The following TMEM178B variants were observed in gnomAD, a reference collection of about 807,000 sequenced individuals.
TMEM178B encodes transmembrane protein 178B.
TMEM178B carries 5 observed loss-of-function variants against 31.0 expected under a neutral mutation model. The ratio of observed to expected loss-of-function variants is 0.16; its 90% CI spans 0.08 to 0.34. TMEM178B has a LOEUF of 0.34. Ranked by LOEUF, TMEM178B falls within the 10% of genes least tolerant of loss-of-function variation. The probability of loss-of-function intolerance (pLI) is 1.00; values close to 1 mark genes in which losing one functional copy is unlikely to be tolerated. For synonymous variants in TMEM178B, 164 were observed against 164.0 expected, an observed-to-expected ratio of 1.00 and a Z score of 0.00; for missense variants, 275 against 400.3, an observed-to-expected ratio of 0.69 and a Z score of 2.67.
intron 1 of TMEM178B, among the ~76,000 whole-genome samples, chr7:141,106,796 C>T (rs1795154490): frequency 6.6e-6 from 1 of 152,188 alleles, no homozygotes; most frequent in African/African-American, 2.4e-5. Flanking sequence ...TTACTGTATT[C>T]ACTTAACACA....
intron 2 of TMEM178B, among the ~76,000 whole-genome samples, chr7:141,213,268 A>C (rs1417758766): frequency 1.3e-5 from 2 of 152,202 alleles, no homozygotes; most frequent in African/African-American, 4.8e-5. Context: ...AAAGATCAGA[A>C]TATCTGTGTG....
chr7:141,297,454 C>T (rs1051266589), intron 2 of TMEM178B, among the ~76,000 whole-genome samples: 2 of 152,126 alleles, frequency 1.3e-5, no homozygotes, highest in African/African-American at 4.8e-5. Flanking sequence ...TGTGCTGCAC[C>T]CATTAACTCG....
At chr7:141,482,450 G>A (rs966778226), downstream of TMEM178B, among the ~76,000 whole-genome samples, 2 of 152,190 alleles carry the variant, frequency 1.3e-5, no homozygotes, top group Non-Finnish European at 2.9e-5. Context: ...GAAGCACAGG[G>A]ATTCTGACTT....
At chr7:141,363,280 G>C (rs1586913655) in intron 2 of TMEM178B, among the ~76,000 whole-genome samples, 1 of 152,296 alleles carries the variant, frequency 6.6e-6, no homozygotes, top group Non-Finnish European at 1.5e-5. Context: ...TCTTGCTGTT[G>C]AGAGCCAAAA....
At chr7:141,429,308 T>TACACACAC (rs3039921) in intron 2 of TMEM178B, among the ~76,000 whole-genome samples, 4,575 of 149,666 alleles carry the variant, frequency 0.031, 108 homozygotes, top group Middle Eastern at 0.072. Context: ...GAAAATGTAA[T>TACACACAC]ACACACACAC....
At chr7:141,408,975 G>C (rs898358507) in intron 2 of TMEM178B, among the ~76,000 whole-genome samples, 3 of 152,204 alleles carry the variant, frequency 2.0e-5, no homozygotes, top group Non-Finnish European at 2.9e-5. Context: ...GCAAGAGACA[G>C]GGAGGCAGGA....
chr7:141,301,762 A>C (rs1386655125), intron 2 of TMEM178B, among the ~76,000 whole-genome samples: 1 of 152,208 alleles, frequency 6.6e-6, no homozygotes, highest in Non-Finnish European at 1.5e-5. Flanking sequence ...CTCCAAATCC[A>C]GCAGCCACCA....
chr7:141,392,990 C>T (rs1372859956), intron 2 of TMEM178B, among the ~76,000 whole-genome samples: 1 of 152,042 alleles, frequency 6.6e-6, no homozygotes, highest in African/African-American at 2.4e-5. Context: ...CTGCATTCAC[C>T]ATCTCCAAGC....
intron 2 of TMEM178B, among the ~76,000 whole-genome samples, chr7:141,350,039 C>T (rs1048946237): frequency 4.6e-5 from 7 of 152,150 alleles, no homozygotes; most frequent in Admixed American, 1.3e-4. Context: ...ATCCATCCAT[C>T]TATCCATCCA....
intron 1 of TMEM178B, among the ~76,000 whole-genome samples, chr7:141,212,234 C>A (rs761124003): frequency 9.9e-5 from 15 of 152,122 alleles, no homozygotes; most frequent in Non-Finnish European, 4.4e-5. Context: ...CTTAACAAAT[C>A]CTGCTGTCTG....
At chr7:141,392,728 G>C (rs1308111910) in intron 2 of TMEM178B, among the ~76,000 whole-genome samples, 1 of 151,880 alleles carries the variant, frequency 6.6e-6, no homozygotes. Context: ...GTAGCTAAAA[G>C]GGAGTCTCTG....
At chr7:141,251,283 C>G (rs1412590212) in intron 2 of TMEM178B, among the ~76,000 whole-genome samples, 2 of 151,772 alleles carry the variant, frequency 1.3e-5, no homozygotes, top group East Asian at 3.9e-4. Context: ...GAAGCACCCG[C>G]AGGAATCAGA....
chr7:141,271,946 C>T (rs747054627), intron 2 of TMEM178B, among the ~76,000 whole-genome samples: 7 of 152,178 alleles, frequency 4.6e-5, no homozygotes, highest in Admixed American at 6.5e-5. Flanking sequence ...TTCAGATCTG[C>T]CCTATTGTGC....
At chr7:141,104,115 T>A (rs1217049143) in intron 1 of TMEM178B, among the ~76,000 whole-genome samples, 1 of 152,244 alleles carries the variant, frequency 6.6e-6, no homozygotes, top group East Asian at 1.9e-4. Context: ...TCAGAAATTT[T>A]ATGAGTTTTG....
intron 3 of TMEM178B, among the ~76,000 whole-genome samples, chr7:141,443,746 G>A (rs753377657): frequency 5.3e-5 from 8 of 152,198 alleles, no homozygotes; most frequent in African/African-American, 1.7e-4. Flanking sequence ...GGAGTGCTGC[G>A]ATGGAGATGC....
intron 2 of TMEM178B, among the ~76,000 whole-genome samples, chr7:141,333,140 A>G (rs755154282): frequency 6.6e-6 from 1 of 152,248 alleles, no homozygotes; most frequent in Non-Finnish European, 1.5e-5. Flanking sequence ...ATCTCAGTGA[A>G]ATAGCCAGCT....
chr7:141,377,184 T>TATTC (rs1800230858), intron 2 of TMEM178B, among the ~76,000 whole-genome samples: 1 of 151,206 alleles, frequency 6.6e-6, no homozygotes, highest in South Asian at 2.1e-4. Context: ...TTTATTTATT[T>TATTC]ATTTATTTAT....
At chr7:141,503,662 C>A in the TMEM178B span, among the ~76,000 whole-genome samples, 2 of 152,168 alleles carry the variant, frequency 1.3e-5, no homozygotes, top group Non-Finnish European at 2.9e-5. Flanking sequence ...TTCTAATAAA[C>A]CCTAACTCAC....
At chr7:141,352,089 C>A (rs1799739920) in intron 2 of TMEM178B, 1 of 152,370 alleles carries the variant, frequency 6.6e-6, no homozygotes, top group African/African-American at 2.4e-5. Context: ...TCCTCATGGC[C>A]TTTGTGAGAG....
Sources: gnomAD v4.1 joint callset for allele counts (sites outside exome capture counted in the v4.1 genomes callset) on GRCh38, gnomAD v4.1.1 for gene constraint, MANE v1.5 for transcripts, NCBI Gene and HGNC (gene_info 2026-07-23, HGNC 2026-07-21) for gene names.